Variants in MGAT4C observed in about 807,000 individuals in gnomAD.
MGAT4C encodes MGAT4 family member C.
MGAT4C carries 19 observed loss-of-function variants against 40.1 expected under a neutral mutation model. The observed-to-expected ratio is 0.47, with a 90% CI of 0.33 to 0.70. MGAT4C has a LOEUF of 0.70. Among genes scored for constraint, MGAT4C ranks in the 30% least tolerant of loss-of-function variants. The pLI is 0.02. For missense variants in MGAT4C, 491 were observed against 563.2 expected (o/e 0.87, Z 1.30); for synonymous variants, 181 against 187.1 (o/e 0.97, Z 0.27).
intron 4 of MGAT4C, among the ~76,000 whole-genome samples, chr12:86,313,848 T>C (rs940788143): frequency 2.0e-5 from 3 of 152,202 alleles, no homozygotes; most frequent in Admixed American, 1.3e-4. Context: ...CTACAATGTC[T>C]ATAGAAAGAG....
At position 86,512,513 on chromosome 12, in the gene MGAT4C, G is replaced by A. The variant is rs549604003; in HGVS notation, c.-228-77248C>T. Among the ~76,000 whole-genome samples, 114 of 152,060 alleles carry A rather than the reference G, an allele frequency of 7.5e-4. 2 individuals carry two copies. Among genetic ancestry groups the A allele is most frequent in the African/African-American group, 2.6e-3 (109 of 41,494 alleles). Reference sequence around the variant, plus strand: ...ACTTGGAGTATCATTCATAATGGCCGAAGTATGGAAATTTTTAATTGTCCA... The same window carrying A: ...ACTTGGAGTATCATTCATAATGGCCAAAGTATGGAAATTTTTAATTGTCCA... On this transcript the variant is annotated intron_variant, in intron 2 of 7. Transcript: ENST00000548651.
chr12:86,469,919 G>T (rs1372088112), intron 2 of MGAT4C, among the ~76,000 whole-genome samples: 1 of 152,050 alleles, frequency 6.6e-6, no homozygotes, highest in African/African-American at 2.4e-5. Context: ...TTTTTGTTTA[G>T]TTTAGTTTAG....
chr12:86,223,628 C>T (rs976319022), intron 1 of MGAT4C, among the ~76,000 whole-genome samples: 1 of 152,152 alleles, frequency 6.6e-6, no homozygotes, highest in Non-Finnish European at 1.5e-5. Context: ...GATAGCCAGT[C>T]CCTGAATTCA....
In MGAT4C at chr12:85,956,980, A is replaced by G. The variant is rs1882827316; in HGVS notation, c.*22309T>C. The G allele has an allele frequency of 6.6e-6, 1 of 152,180 alleles. No individual in the cohort carries two copies. Among genetic ancestry groups the G allele is most frequent in the South Asian group, 2.1e-4 (1 of 4,826 alleles). The allele number at this position is 152,180 out of a possible 1,614,324, so 9.4% of individuals were successfully genotyped here. ...AAAACTGTTCAGTGGTGGTCTTCCTATTGTAACAGCTGATTTCATGGCTAT... is the reference window on the plus strand; with the variant it reads ...AAAACTGTTCAGTGGTGGTCTTCCTGTTGTAACAGCTGATTTCATGGCTAT... On this transcript the variant is annotated 3_prime_UTR_variant, in exon 5 of 5. Transcript: ENST00000611864.
chr12:86,090,707 T>C (rs1270407873), intron 1 of MGAT4C, among the ~76,000 whole-genome samples: 6 of 151,930 alleles, frequency 3.9e-5, no homozygotes, highest in African/African-American at 2.4e-5. Context: ...ACACTCTTTC[T>C]TGAAAACCCA....
At chr12:86,509,636 G>A (rs1033642923) in intron 2 of MGAT4C, among the ~76,000 whole-genome samples, 27 of 152,050 alleles carry the variant, frequency 1.8e-4, no homozygotes, top group African/African-American at 5.5e-4. Context: ...CATTGAATCT[G>A]TAAATTACCT....
intron 2 of MGAT4C, among the ~76,000 whole-genome samples, chr12:86,716,946 T>C (rs1011467144): frequency 1.3e-5 from 2 of 152,108 alleles, no homozygotes; most frequent in African/African-American, 4.8e-5. Context: ...TATACTATAA[T>C]CTAAGCTGTT....
intron 1 of MGAT4C, among the ~76,000 whole-genome samples, chr12:86,092,228 G>T (rs73379406): frequency 0.037 from 5,592 of 152,148 alleles, 338 homozygotes; most frequent in African/African-American, 0.13. Flanking sequence ...ATTGCCAGTT[G>T]ACATGCAGAA....
intron 1 of MGAT4C, among the ~76,000 whole-genome samples, chr12:86,194,954 T>C (rs839163): frequency 0.68 from 102,907 of 152,032 alleles, 35,135 homozygotes; most frequent in South Asian, 0.75. Flanking sequence ...CAAACCTCCA[T>C]TCAGCTTCTT....
chr12:86,265,534 T>C (rs191385448), intron 4 of MGAT4C, among the ~76,000 whole-genome samples: 242 of 152,352 alleles, frequency 1.6e-3, no homozygotes, highest in Non-Finnish European at 3.0e-3. Context: ...GCCTGTTTTT[T>C]ATACCAGTAC....
intron 2 of MGAT4C, among the ~76,000 whole-genome samples, chr12:86,467,502 A>G (rs1242255885): frequency 6.6e-6 from 1 of 152,194 alleles, no homozygotes; most frequent in Non-Finnish European, 1.5e-5. Context: ...CAGAGACTAT[A>G]TTCTAATTAT....
intron 3 of MGAT4C, among the ~76,000 whole-genome samples, chr12:86,434,411 C>T (rs1415164396): frequency 6.6e-6 from 1 of 151,822 alleles, no homozygotes; most frequent in South Asian, 2.1e-4. Context: ...TTTATATATA[C>T]TTACACATAT....
intron 3 of MGAT4C, among the ~76,000 whole-genome samples, chr12:86,409,029 G>A (rs577681986): frequency 9.2e-5 from 14 of 152,104 alleles, no homozygotes; most frequent in East Asian, 3.9e-4. Flanking sequence ...CTGGGGTAGC[G>A]TAGTAAGGAA....
chr12:86,439,070 A>G (rs1565763125), intron 2 of MGAT4C, among the ~76,000 whole-genome samples: 1 of 152,000 alleles, frequency 6.6e-6, no homozygotes, highest in Non-Finnish European at 1.5e-5. Context: ...CAGATCGTTG[A>G]GGCAGAAAGT....
At chr12:86,222,614 T>G (rs539256866) in intron 1 of MGAT4C, among the ~76,000 whole-genome samples, 1 of 152,314 alleles carries the variant, frequency 6.6e-6, no homozygotes, top group African/African-American at 2.4e-5. Flanking sequence ...AGATGAACTA[T>G]TCTTAATTTT....
chr12:86,060,326 T>G (rs1285393565), intron 1 of MGAT4C, among the ~76,000 whole-genome samples: 1 of 152,214 alleles, frequency 6.6e-6, no homozygotes. Context: ...TTAGGAAAAG[T>G]TCAAGCAACT....
At chr12:86,550,723 T>A (rs1452653507) in intron 2 of MGAT4C, among the ~76,000 whole-genome samples, 2 of 152,160 alleles carry the variant, frequency 1.3e-5, no homozygotes, top group African/African-American at 4.8e-5. Flanking sequence ...GGAGAAACAG[T>A]CTGGCACTCT....
chr12:86,826,751 T>C (rs1377118308), intron 1 of MGAT4C, among the ~76,000 whole-genome samples: 1 of 151,256 alleles, frequency 6.6e-6, no homozygotes, highest in Non-Finnish European at 1.5e-5. Flanking sequence ...ACTCTTCTAC[T>C]CCTCCTAGGA....
chr12:85,971,113 TTTAA>T lies in MGAT4C; in HGVS notation c.*8172_*8175del, dbSNP rs1270109060. The T allele has an allele frequency of 1.3e-5, 2 of 151,232 alleles. No individual in the cohort carries two copies. The highest frequency in any genetic ancestry group is 3.0e-5 in the Non-Finnish European group (2 of 67,392). 9.4% of individuals were successfully genotyped at this position (151,232 alleles called of 1,614,324 possible). ...GAAAAATTAGTGCATTTATAATAAATTTAATTATTCATAAAAAATTAACATTGAT... is the reference window on the plus strand; with the variant it reads ...GAAAAATTAGTGCATTTATAATAAATTTATTCATAAAAAATTAACATTGAT... On this transcript the variant is annotated 3_prime_UTR_variant, in exon 5 of 5. Coordinates refer to ENST00000611864, the MANE Select transcript of MGAT4C (RefSeq NM_001351288.2).
Sources: gnomAD v4.1 joint callset for allele counts (sites outside exome capture counted in the v4.1 genomes callset) on GRCh38, gnomAD v4.1.1 for gene constraint, MANE v1.5 for transcripts, NCBI Gene and HGNC (gene_info 2026-07-23, HGNC 2026-07-21) for gene names.